The following BTBD10 variants were observed in gnomAD, a reference collection of about 807,000 sequenced individuals.
The protein encoded by BTBD10 is BTB domain containing 10, also known as BTB/POZ domain-containing protein 10.
BTBD10 carries 21 observed loss-of-function variants against 53.2 expected under a neutral mutation model. The observed-to-expected ratio is 0.39, with a 90% confidence interval of 0.28 to 0.57. The LOEUF (loss-of-function observed/expected upper bound fraction) is 0.57, where lower values mean the gene tolerates loss of function less well. BTBD10 is among the 20% of genes least tolerant of loss of function. The probability of loss-of-function intolerance (pLI) is 0.53; values close to 1 mark genes in which losing one functional copy is unlikely to be tolerated. For synonymous variants in BTBD10, 149 were observed against 192.7 expected (o/e 0.77, Z 1.88); for missense variants, 360 against 594.7 (o/e 0.61, Z 4.10).
At chr11:13,423,236 A>G (rs1408766098) in intron 2 of BTBD10, among the ~76,000 whole-genome samples, 2 of 152,216 alleles carry the variant, frequency 1.3e-5, no homozygotes, top group Non-Finnish European at 2.9e-5. Context: ...GTTCAAAAAT[A>G]TTAAAGTTCT....
At chr11:13,440,205 A>C in intron 2 of BTBD10, 1 of 1,375,192 alleles carries the variant, frequency 7.3e-7, no homozygotes, top group Non-Finnish European at 9.5e-7. Context: ...ATATTAATTC[A>C]GTTTATTTTC....
At chr11:13,405,934 C>A (rs1275834237) in intron 6 of BTBD10, 78 bp from the exon 7 acceptor site, 1 of 1,386,080 alleles carries the variant, frequency 7.2e-7, no homozygotes, top group South Asian at 1.4e-5. Flanking sequence ...ACTCTTATAA[C>A]AAGAAAGGCC....
chr11:13,408,073 A>G (rs561672201), intron 6 of BTBD10, among the ~76,000 whole-genome samples: 1 of 152,212 alleles, frequency 6.6e-6, no homozygotes, highest in African/African-American at 2.4e-5. Context: ...ATTGTGATAC[A>G]GCCATAAGCC....
intron 8 of BTBD10, among the ~76,000 whole-genome samples, chr11:13,393,129 A>C (rs1357294408): frequency 6.6e-6 from 1 of 152,224 alleles, no homozygotes; most frequent in Middle Eastern, 3.2e-3. Context: ...CTTTCCCACA[A>C]CACATTTGTG....
chr11:13,444,903 C>A (rs1950725091), intron 2 of BTBD10, 121 bp downstream of exon 2: 3 of 583,218 alleles, frequency 5.1e-6, no homozygotes, highest in African/African-American at 3.7e-5. Context: ...TAAACATTCA[C>A]AACGTTTTGT....
At chr11:13,399,521 T>A (rs969444037) in intron 8 of BTBD10, among the ~76,000 whole-genome samples, 1 of 152,218 alleles carries the variant, frequency 6.6e-6, no homozygotes, top group African/African-American at 2.4e-5. Flanking sequence ...AGTAGTTTGA[T>A]CTTCTGAAGC....
chr11:13,394,434 G>GT (rs202179354), intron 8 of BTBD10, among the ~76,000 whole-genome samples: 1,731 of 152,280 alleles, frequency 0.011, 37 homozygotes, highest in African/African-American at 0.04. Context: ...TGCCATGATT[G>GT]TAAGTTTCCT....
At chr11:13,422,257 CT>C (rs374556215) in intron 2 of BTBD10, among the ~76,000 whole-genome samples, 36 of 152,330 alleles carry the variant, frequency 2.4e-4, no homozygotes, top group East Asian at 2.1e-3. Flanking sequence ...ATTGGTCTCC[CT>C]GCCAAACAAA....
Position 13,419,617 on chromosome 11 carries a change from A to G in BTBD10, c.427T>C (p.Cys143Arg). The G allele has an allele frequency of 6.2e-7, 1 of 1,614,120 alleles. No individual in the cohort carries two copies. Among genetic ancestry groups the G allele is most frequent in the South Asian group, 1.1e-5 (1 of 91,084 alleles). ...NSSQSSSDGS[C>R]KTAGEMVFVY... ...AACACCATCTCCCCAGCTGTCTTAC[A>G]GCTACCATCTGAACTTGACTGACTA... Residue 143 changes from cysteine (C) to arginine (R), a missense_variant, in exon 4 of 9, where the codon TGT (cysteine) becomes CGT (arginine). Physicochemically the swap from Cys to Arg is radical, Grantham distance 180. Transcript: ENST00000278174.
At chr11:13,440,649 A>C (rs1591159878) in intron 2 of BTBD10, among the ~76,000 whole-genome samples, 1 of 152,310 alleles carries the variant, frequency 6.6e-6, no homozygotes, top group East Asian at 1.9e-4. Context: ...GGAAACTGGA[A>C]TGTTCAGACT....
intron 8 of BTBD10, among the ~76,000 whole-genome samples, chr11:13,397,448 C>A (rs1417221983): frequency 8.5e-5 from 13 of 152,090 alleles, no homozygotes; most frequent in African/African-American, 3.1e-4. Flanking sequence ...CTTTGTTTGT[C>A]TTGCTAGCAG....
intron 8 of BTBD10, among the ~76,000 whole-genome samples, chr11:13,392,883 A>T (rs1949444591): frequency 6.6e-6 from 1 of 152,198 alleles, no homozygotes; most frequent in Non-Finnish European, 1.5e-5. Context: ...CTGACAGAAG[A>T]GAGCTTTCTA....
chr11:13,431,007 A>T (rs2133996239), intron 2 of BTBD10, among the ~76,000 whole-genome samples: 1 of 151,992 alleles, frequency 6.6e-6, no homozygotes, highest in African/African-American at 2.4e-5. Flanking sequence ...ACACACAGAT[A>T]TATATATATA....
At chr11:13,460,639 A>C (rs1026379152) in intron 1 of BTBD10, among the ~76,000 whole-genome samples, 2 of 152,208 alleles carry the variant, frequency 1.3e-5, no homozygotes, top group African/African-American at 4.8e-5. Flanking sequence ...CAATGTAAGG[A>C]AGGGGCACAA....
At chr11:13,441,209 C>T (rs1950642242) in intron 2 of BTBD10, among the ~76,000 whole-genome samples, 1 of 152,106 alleles carries the variant, frequency 6.6e-6, no homozygotes, top group African/African-American at 2.4e-5. Flanking sequence ...CATCCATGTT[C>T]AGACTAGTTT....
chr11:13,413,550 G>C lies in BTBD10; in HGVS notation c.788C>G (p.Thr263Ser). The change falls in exon 6 of 9, where the codon ACT becomes AGT. Residue 263 changes from threonine (T) to serine (S), a missense_variant. This residue lies in a region of BTBD10 where 91 missense variants were observed against 171.7 expected (regional missense o/e 0.53). Transcript: ENST00000278174. ...CTTACTGAGATCTCTACATTTAATA[G>C]TGCTATATTCAAAAGAGATACAAAG... is the stretch of plus-strand genomic sequence containing the variant. The part of the protein sequence containing the change: ...DYLCISFEYS[T>S]IKCRDLSALM... The C allele has an allele frequency of 6.2e-7, 1 of 1,608,690 alleles. No individual in the cohort carries two copies. The highest frequency in any genetic ancestry group is 1.9e-4 in the Middle Eastern group (1 of 5,214).
intron 4 of BTBD10, 141 bp from the exon 5 acceptor site, chr11:13,417,401 C>A: frequency 1.8e-6 from 1 of 568,194 alleles, no homozygotes; most frequent in Non-Finnish European, 3.0e-6. Flanking sequence ...TTCTGGCAAA[C>A]ATCATAAAAG....
At chr11:13,423,110 C>A (rs991066150) in intron 2 of BTBD10, among the ~76,000 whole-genome samples, 4 of 151,880 alleles carry the variant, frequency 2.6e-5, no homozygotes, top group Non-Finnish European at 4.4e-5. Flanking sequence ...CAGGCCCTGA[C>A]AAATAGATAA....
intron 2 of BTBD10, among the ~76,000 whole-genome samples, chr11:13,427,189 C>T (rs538939362): frequency 8.7e-4 from 133 of 152,008 alleles, no homozygotes; most frequent in Non-Finnish European, 1.6e-3. Context: ...TGCACTACAG[C>T]CTGGGCAACA....
Sources: allele counts gnomAD v4.1 joint callset (sites outside exome capture counted in the v4.1 genomes callset), GRCh38; gene constraint gnomAD v4.1.1; regional missense constraint gnomAD v4.1.1; transcripts MANE v1.5; gene names NCBI Gene and HGNC (gene_info 2026-07-23, HGNC 2026-07-21).